The following SLC7A8 variants were observed in gnomAD, a reference collection of about 807,000 sequenced individuals.
SLC7A8 encodes solute carrier family 7 member 8.
Under a neutral mutation model 51.2 loss-of-function variants are expected in SLC7A8, and 30 were observed. The observed-to-expected ratio is 0.59, with a 90% CI of 0.44 to 0.80. The LOEUF (loss-of-function observed/expected upper bound fraction) is 0.80. SLC7A8 is among the 30% of genes least tolerant of loss of function. The pLI, the probability that SLC7A8 is intolerant of heterozygous loss-of-function variation, is 0.00. For missense variants in SLC7A8, 612 were observed against 674.4 expected (o/e 0.91, Z 1.03); for synonymous variants, 257 against 275.8 (o/e 0.93, Z 0.67).
chr14:23,155,796 A>G (rs2048888266), intron 3 of SLC7A8, among the ~76,000 whole-genome samples: 2 of 151,794 alleles, frequency 1.3e-5, no homozygotes, highest in Admixed American at 6.6e-5. Flanking sequence ...CTGACCCTCC[A>G]TCATATTTCA....
rs143438676 is a variant in SLC7A8 at position 23,149,067 on chromosome 14, G to A, written c.509-5863C>T. 2.7e-3 allele frequency among the ~76,000 whole-genome samples: 404 copies of A among 152,268 alleles called. 3 individuals are homozygous for A. Among genetic ancestry groups the A allele is most frequent in the African/African-American group, 9.2e-3 (382 of 41,554 alleles). On this transcript the variant is annotated intron_variant, in intron 3 of 10. Coordinates refer to ENST00000316902, the MANE Select transcript of SLC7A8 (RefSeq NM_012244.4). ...ACACCAGATGGAGGGAAGGGATGGC[G>A]CTCTCTAGAAGAGGGTAGTGAAGGT...
intron 1 of SLC7A8, among the ~76,000 whole-genome samples, chr14:23,173,377 C>CT (rs2048984263): frequency 6.6e-6 from 1 of 152,162 alleles, no homozygotes; most frequent in African/African-American, 2.4e-5. Context: ...AGTGAGTAGA[C>CT]TCAGCTCAGC....
chr14:23,143,139 C>T lies in SLC7A8; in HGVS notation c.574G>A (p.Ala192Thr). The T allele has an allele frequency of 6.2e-7, 1 of 1,614,208 alleles. No individual in the cohort carries two copies. Among genetic ancestry groups the T allele is most frequent in the Non-Finnish European group, 8.5e-7 (1 of 1,180,044 alleles). ...WATRVQDIFT[A>T]GKLLALALII... ...AGGGCCAAGGCCAGGAGCTTCCCAG[C>T]TGTGAAGATGTCTTGAACCCGGGTG... Residue 192 changes from alanine to threonine, a missense_variant, in exon 4 of 11, where the codon GCT becomes ACT. Coordinates refer to ENST00000316902, the MANE Select transcript of SLC7A8 (RefSeq NM_012244.4).
In SLC7A8 at chr14:23,137,956, A is replaced by C; in HGVS notation, c.981T>G (p.Phe327Leu). ...IMPISVALST[F>L]GGVNGSLFTS... ...TGAAGAGAGACCCATTAACTCCTCC[A>C]AATGTGGACAGGGCAACAGAAATGG... Residue 327 changes from phenylalanine (F) to leucine (L), a missense_variant, in exon 7 of 11, where the codon TTT (phenylalanine) becomes TTG (leucine). Coordinates refer to ENST00000316902, the MANE Select transcript of SLC7A8 (RefSeq NM_012244.4). The C allele has an allele frequency of 6.2e-7, 1 of 1,613,820 alleles. No individual in the cohort carries two copies. Among genetic ancestry groups the C allele is most frequent in the African/African-American group, 1.3e-5 (1 of 74,922 alleles).
chr14:23,171,508 A>G (rs960872191), intron 1 of SLC7A8, among the ~76,000 whole-genome samples: 5 of 152,244 alleles, frequency 3.3e-5, no homozygotes, highest in Admixed American at 3.3e-4. Context: ...CAGCCATCAA[A>G]GAATTTCCTA....
At chr14:23,156,431 A>G (rs566128430) in intron 3 of SLC7A8, 3 of 152,374 alleles carry the variant, frequency 2.0e-5, no homozygotes, top group South Asian at 2.1e-4. Flanking sequence ...CTGAACTCTT[A>G]TAACAGAGAT....
chr14:23,138,136 C>A, intron 6 of SLC7A8, 112 bp from the exon 7 acceptor site: 1 of 1,334,374 alleles, frequency 7.5e-7, no homozygotes, highest in East Asian at 2.5e-5. Context: ...TGCTAATTCT[C>A]TCTCGCCAAG....
At chr14:23,170,964 A>G (rs568475841) in intron 1 of SLC7A8, among the ~76,000 whole-genome samples, 1 of 152,270 alleles carries the variant, frequency 6.6e-6, no homozygotes, top group East Asian at 1.9e-4. Flanking sequence ...CCTGGCCTCA[A>G]GTGATCCTCC....
In SLC7A8 at chr14:23,154,998, C is replaced by CAAA. The variant is rs33973055; in HGVS notation, c.508+10284_508+10286dup. On this transcript the variant is annotated intron_variant, in intron 3 of 10. Coordinates refer to ENST00000316902, the MANE Select transcript of SLC7A8 (RefSeq NM_012244.4). ...AACCCACAAAAAGCCACACAACAGA[C>CAAA]AAAAAAAAAAAAAAAAAAAAATCAA... Among the ~76,000 whole-genome samples, 429 of 89,410 alleles carry CAAA rather than the reference C, an allele frequency of 4.8e-3. 9 individuals carry two copies. The highest frequency in any genetic ancestry group is 6.8e-3 in the Non-Finnish European group (314 of 46,386). The allele number at this position is 89,410 out of a possible 152,430, so 58.7% of individuals were successfully genotyped here. A position where few individuals can be genotyped will look rare whatever the true frequency, so the allele number is the denominator to read the frequency against.
Position 23,182,840 on chromosome 14 carries a change from G to T in SLC7A8, c.75C>A (p.Pro25=), listed in dbSNP as rs145219683. The T allele has an allele frequency of 3.1e-6, 5 of 1,613,762 alleles. No homozygotes were observed. Among genetic ancestry groups the T allele is most frequent in the African/African-American group, 2.7e-5 (2 of 74,864 alleles). ...CTCCGCCCCCTCCGGAACCAGCCTC[G>T]GGGCTGGCGTCCGACTCGCCCCCAC... The part of the protein sequence containing the change: ...HPGGGESDAS[P]EAGSGGGGVA... Residue 25 remains proline (P), a synonymous_variant, in exon 1 of 11, where the codon CCC becomes CCA. Coordinates refer to ENST00000316902, the MANE Select transcript of SLC7A8 (RefSeq NM_012244.4).
chr14:23,139,350 A>C (rs2140311298), intron 6 of SLC7A8, 74 bp downstream of exon 6: 1 of 1,606,312 alleles, frequency 6.2e-7, no homozygotes, highest in Non-Finnish European at 8.5e-7. Context: ...GATCAGGGAA[A>C]AGTGAGTGGG....
At position 23,163,248 on chromosome 14, in the gene SLC7A8, G is replaced by A. The variant is rs183195145; in HGVS notation, c.508+2037C>T. ...TCTCTCTTGCAGTCCTTGTGACCAC[G>A]ACCTCTTGAGGCAGCTAGGATTACA... is the stretch of plus-strand genomic sequence containing the variant. On this transcript the variant is annotated intron_variant, in intron 3 of 10. Transcript: ENST00000316902. 2.6e-3 allele frequency among the ~76,000 whole-genome samples: 393 copies of A among 152,238 alleles called. 1 individual carries two copies. The highest frequency in any genetic ancestry group is 9.1e-3 in the African/African-American group (378 of 41,514).
chr14:23,159,514 G>A (rs1203067745), intron 3 of SLC7A8, among the ~76,000 whole-genome samples: 1 of 152,258 alleles, frequency 6.6e-6, no homozygotes, highest in Non-Finnish European at 1.5e-5. Context: ...AGAAGGCAGT[G>A]CTGCCCAGGT....
chr14:23,137,384 C>T (rs749567888), intron 7 of SLC7A8, among the ~76,000 whole-genome samples: 4 of 152,222 alleles, frequency 2.6e-5, no homozygotes, highest in Non-Finnish European at 5.9e-5. Context: ...ACAGCCACCT[C>T]TCTGTTGAGC....
At chr14:23,139,383 C>T (rs2048720565) in intron 6 of SLC7A8, 41 bp downstream of exon 6, 1 of 1,613,102 alleles carries the variant, frequency 6.2e-7, no homozygotes, top group Non-Finnish European at 8.5e-7. Flanking sequence ...AAGTCTATGT[C>T]TGCATTCCTG....
chr14:23,165,722 T>G lies in SLC7A8; in HGVS notation c.357-286A>C, dbSNP rs1238196471. Among the ~76,000 whole-genome samples the G allele has an allele frequency of 6.6e-6, 1 of 152,056 alleles. No individual in the cohort carries two copies. The highest frequency in any genetic ancestry group is 1.5e-5 in the Non-Finnish European group (1 of 68,014). ...CACTGTGGCCACCAGCATCCAATGG[T>G]GGAAAAACAAAATTTGCAACCCCAG... On this transcript the variant is annotated intron_variant, in intron 2 of 10. Coordinates refer to ENST00000316902, the MANE Select transcript of SLC7A8 (RefSeq NM_012244.4). This position sits in a 1 kb window ranked among gnomAD's most constrained non-coding sequence, Gnocchi z 4.2.
intron 3 of SLC7A8, among the ~76,000 whole-genome samples, chr14:23,163,966 CT>C (rs3216637): frequency 2.4e-3 from 345 of 142,756 alleles, no homozygotes; most frequent in Middle Eastern, 3.6e-3. Flanking sequence ...TTTTTAATTT[CT>C]TTTTTTTTTT....
At position 23,152,609 on chromosome 14, in the gene SLC7A8, T is replaced by C. The variant is rs964348298; in HGVS notation, c.509-9405A>G. Among the ~76,000 whole-genome samples the C allele has an allele frequency of 4.0e-5, 6 of 151,002 alleles. No individual in the cohort carries two copies. The South Asian group carries it at 1.3e-3, about 32-fold the overall frequency. ...TTGTATTTTTTGTAGAGACGGGTTATGCCAGGTTGCCCAGGCTGGTCTCTA... is the reference window on the plus strand; with the variant it reads ...TTGTATTTTTTGTAGAGACGGGTTACGCCAGGTTGCCCAGGCTGGTCTCTA... On this transcript the variant is annotated intron_variant, in intron 3 of 10. Transcript: ENST00000316902.
intron 3 of SLC7A8, among the ~76,000 whole-genome samples, chr14:23,153,366 G>A (rs1184931246): frequency 1.3e-5 from 2 of 152,180 alleles, no homozygotes; most frequent in African/African-American, 2.4e-5. Flanking sequence ...CCAGTTGCTT[G>A]TTCTGCCTCT....
Sources: gnomAD v4.1 joint callset for allele counts (sites outside exome capture counted in the v4.1 genomes callset) on GRCh38, gnomAD v4.1.1 for gene constraint, Gnocchi (gnomAD v3.1) non-coding constraint, MANE v1.5 for transcripts, NCBI Gene and HGNC (gene_info 2026-07-23, HGNC 2026-07-21) for gene names.